Variants in CNTNAP2 observed in about 807,000 individuals in gnomAD.
CNTNAP2 encodes the protein contactin associated protein 2.
In CNTNAP2, 98 loss-of-function variants were observed where a neutral mutation model predicts 155.2. The observed-to-expected ratio is 0.63, with a 90% CI of 0.54 to 0.75. The LOEUF is 0.75. Among genes scored for constraint, CNTNAP2 ranks in the 30% least tolerant of loss-of-function variants. The probability of loss-of-function intolerance (pLI) is 0.00; values close to 1 mark genes in which losing one functional copy is unlikely to be tolerated. For synonymous variants in CNTNAP2, 651 were observed against 631.2 expected, an observed-to-expected ratio of 1.03 and a Z score of -0.47; for missense variants, 1,727 against 1,688.1, an observed-to-expected ratio of 1.02 and a Z score of -0.40.
chr7:146,810,046 A>C (rs1271616417), intron 2 of CNTNAP2, among the ~76,000 whole-genome samples: 1 of 152,168 alleles, frequency 6.6e-6, no homozygotes, highest in Admixed American at 6.6e-5. Flanking sequence ...GACGAGGGCC[A>C]ATTTCACTCT....
chr7:146,198,239 G>GT (rs1410047955), intron 1 of CNTNAP2, among the ~76,000 whole-genome samples: 1 of 151,964 alleles, frequency 6.6e-6, no homozygotes, highest in Admixed American at 6.6e-5. Context: ...CCCCATTTTG[G>GT]TACAATTTGG....
intron 15 of CNTNAP2, among the ~76,000 whole-genome samples, chr7:148,066,881 G>C (rs1379525195): frequency 6.6e-6 from 1 of 152,034 alleles, no homozygotes; most frequent in Admixed American, 6.6e-5. Flanking sequence ...TCTTCTACTT[G>C]TTCCATTGTA....
chr7:147,837,162 A>G (rs1798646330), intron 13 of CNTNAP2, among the ~76,000 whole-genome samples: 1 of 152,192 alleles, frequency 6.6e-6, no homozygotes, highest in Admixed American at 6.5e-5. Context: ...GGCAATTTAC[A>G]AAAGAAAGAG....
chr7:146,202,943 T>A lies in CNTNAP2; in HGVS notation c.97+85970T>A, dbSNP rs560416092. Among the ~76,000 whole-genome samples the A allele has an allele frequency of 9.2e-5, 14 of 152,318 alleles. No individual in the cohort carries two copies. The South Asian group carries it at 1.7e-3, about 18-fold the overall frequency. The stretch of plus-strand genomic sequence containing the variant: ...ATTTTGATGTGTAAATACATAAACA[T>A]CTTAACTATTTTGTAAATCCTGTTC... On this transcript the variant is annotated intron_variant, in intron 1 of 23. Transcript: ENST00000361727.
intron 2 of CNTNAP2, among the ~76,000 whole-genome samples, chr7:146,804,252 T>C (rs932494637): frequency 6.6e-6 from 1 of 152,218 alleles, no homozygotes; most frequent in African/African-American, 2.4e-5. Flanking sequence ...AACCGACTGA[T>C]ATTACCTTTA....
At chr7:147,247,472 C>A (rs879578194) in intron 8 of CNTNAP2, among the ~76,000 whole-genome samples, 1 of 152,110 alleles carries the variant, frequency 6.6e-6, no homozygotes, top group African/African-American at 2.4e-5. Flanking sequence ...TCTATGAGTT[C>A]TTTTCTCATT....
At chr7:147,428,105 T>A (rs1371968674) in intron 10 of CNTNAP2, among the ~76,000 whole-genome samples, 7 of 152,126 alleles carry the variant, frequency 4.6e-5, no homozygotes. Context: ...GAAATACTAA[T>A]CAGTAACAGT....
intron 8 of CNTNAP2, among the ~76,000 whole-genome samples, chr7:147,217,764 A>G (rs1459390232): frequency 6.6e-6 from 1 of 152,062 alleles, no homozygotes; most frequent in Non-Finnish European, 1.5e-5. Flanking sequence ...ACCAGCGAAC[A>G]CTTACGGACC....
At position 147,486,029 on chromosome 7, in the gene CNTNAP2, A is replaced by G. The variant is rs200239604; in HGVS notation, c.1765A>G (p.Thr589Ala). The change falls in exon 11 of 24, where the codon ACC becomes GCC. Residue 589 changes from threonine (T) to alanine (A), a missense_variant. Transcript: ENST00000361727. ...TCDETGYSGATCHNSIYEPSC... is the reference protein window; with the variant it reads ...TCDETGYSGAACHNSIYEPSC... The stretch of plus-strand genomic sequence containing the variant: ...TGATGAGACAGGATACAGTGGGGCC[A>G]CCTGCCACAACTGTGAGTGCCAATT... 1.3e-6 allele frequency: 2 copies of G among 1,597,648 alleles called. No individual in the cohort carries two copies. The highest frequency in any genetic ancestry group is 2.3e-5 in the South Asian group (2 of 88,514).
intron 15 of CNTNAP2, among the ~76,000 whole-genome samples, chr7:148,067,081 C>T (rs1312746964): frequency 6.6e-6 from 1 of 152,076 alleles, no homozygotes. Flanking sequence ...AATAATCAAC[C>T]TACCGAATTA....
At chr7:147,524,341 G>A (rs1206880489) in intron 11 of CNTNAP2, among the ~76,000 whole-genome samples, 2 of 151,610 alleles carry the variant, frequency 1.3e-5, no homozygotes, top group Admixed American at 6.6e-5. Flanking sequence ...GGTGAGCCGA[G>A]ATCACACCAT....
chr7:148,137,793 C>A (rs1804990561), intron 16 of CNTNAP2, among the ~76,000 whole-genome samples: 1 of 152,098 alleles, frequency 6.6e-6, no homozygotes. Flanking sequence ...TGTTGATCTG[C>A]AGCATAATTT....
At chr7:148,236,889 A>G (rs1332341764) in intron 20 of CNTNAP2, among the ~76,000 whole-genome samples, 1 of 152,200 alleles carries the variant, frequency 6.6e-6, no homozygotes. Flanking sequence ...GAGAACTCAC[A>G]TATTATCAGG....
chr7:147,859,272 G>A (rs546747018), intron 13 of CNTNAP2, among the ~76,000 whole-genome samples: 1 of 152,124 alleles, frequency 6.6e-6, no homozygotes, highest in East Asian at 1.9e-4. Context: ...TATCATATCT[G>A]CCAAGTTCTA....
intron 4 of CNTNAP2, among the ~76,000 whole-genome samples, chr7:147,051,266 G>A (rs1466355305): frequency 6.6e-6 from 1 of 150,464 alleles, no homozygotes; most frequent in Non-Finnish European, 1.5e-5. Context: ...ATCAGTTCTG[G>A]AAGTCAACCT....
intron 5 of CNTNAP2, among the ~76,000 whole-genome samples, chr7:147,112,972 T>G (rs553317846): frequency 6.6e-6 from 1 of 152,222 alleles, no homozygotes; most frequent in South Asian, 2.1e-4. Flanking sequence ...TATCAGCTCT[T>G]CTTTGGACCT....
intron 6 of CNTNAP2, chr7:147,122,985 GT>G (rs1171369077): frequency 6.6e-6 from 1 of 151,934 alleles, no homozygotes; most frequent in Non-Finnish European, 1.5e-5. Context: ...ATAGTTTCTA[GT>G]TTTTTGCAAT....
chr7:147,108,102 A>T (rs756735485), intron 4 of CNTNAP2, 45 bp from the exon 5 acceptor site: 2 of 1,555,190 alleles, frequency 1.3e-6, no homozygotes, highest in African/African-American at 2.7e-5. Flanking sequence ...AGTGGATGGT[A>T]ACATACATGG....
At chr7:147,190,548 A>T (rs1349976746) in intron 8 of CNTNAP2, among the ~76,000 whole-genome samples, 1 of 152,232 alleles carries the variant, frequency 6.6e-6, no homozygotes, top group Non-Finnish European at 1.5e-5. Flanking sequence ...CATCATCTGC[A>T]TATAATTTCC....
Sources: allele counts gnomAD v4.1 joint callset (sites outside exome capture counted in the v4.1 genomes callset), GRCh38; gene constraint gnomAD v4.1.1; transcripts MANE v1.5; gene names NCBI Gene and HGNC (gene_info 2026-07-23, HGNC 2026-07-21).